The following NTRK2 variants were observed in gnomAD, a reference collection of about 807,000 sequenced individuals.
The protein encoded by NTRK2 is BDNF/NT-3 growth factors receptor.
Under a neutral mutation model 94.5 loss-of-function variants are expected in NTRK2, and 13 were observed. The observed-to-expected ratio is 0.14, with a 90% confidence interval of 0.09 to 0.22. The LOEUF (loss-of-function observed/expected upper bound fraction) is 0.22, where lower values mean the gene tolerates loss of function less well. NTRK2 is among the 10% of genes least tolerant of loss of function. NTRK2 has a pLI of 1.00. For missense variants in NTRK2, 639 were observed against 1,071.2 expected (o/e 0.60, Z 5.63); for synonymous variants, 372 against 407.4 (o/e 0.91, Z 1.05).
chr9:84,939,685 T>C (rs896743887), intron 15 of NTRK2, among the ~76,000 whole-genome samples: 3 of 152,070 alleles, frequency 2.0e-5, no homozygotes, highest in Admixed American at 6.6e-5. Flanking sequence ...AAAAGAACAA[T>C]ATCATGTTCA....
Position 84,841,162 on chromosome 9 carries a change from T to C in NTRK2, c.1397-19878T>C, listed in dbSNP as rs920471039. Among the ~76,000 whole-genome samples the C allele has an allele frequency of 2.0e-5, 3 of 152,292 alleles. No homozygotes were observed. The South Asian group carries it at 6.2e-4, about 32-fold the overall frequency. On this transcript the variant is annotated intron_variant, in intron 12 of 18. Coordinates refer to ENST00000277120, the MANE Select transcript of NTRK2 (RefSeq NM_006180.6). ...CGTCTCCATGCTGGCATTGCCCACC[T>C]CTCGTTTCCAATGGAGACCTGTCTT...
chr9:84,977,530 G>C lies in NTRK2; in HGVS notation c.2172+22013G>C, dbSNP rs1305878962. Among the ~76,000 whole-genome samples the C allele has an allele frequency of 3.9e-5, 6 of 152,336 alleles. No individual in the cohort carries two copies. The South Asian group carries it at 8.3e-4, about 21-fold the overall frequency. On this transcript the variant is annotated intron_variant, in intron 17 of 18. Coordinates refer to ENST00000277120, the MANE Select transcript of NTRK2 (RefSeq NM_006180.6). The stretch of plus-strand genomic sequence containing the variant: ...ACAACTCAAATATTTTTGCTGCTCT[G>C]TGCATGGTTGTGAATGACTGTGGAA...
chr9:84,814,682 C>A (rs1395078057), intron 12 of NTRK2: 2 of 1,065,054 alleles, frequency 1.9e-6, no homozygotes, highest in East Asian at 1.0e-4. Flanking sequence ...TTCCTTCACA[C>A]TACACTAGAA....
chr9:84,925,417 C>A (rs897394159), intron 14 of NTRK2, among the ~76,000 whole-genome samples: 2 of 152,118 alleles, frequency 1.3e-5, no homozygotes, highest in Non-Finnish European at 2.9e-5. Context: ...TCCTCACTTC[C>A]CATTCAGGAC....
chr9:84,920,296 G>GTTAGGTCCTCACTTTCTTTGC (rs1262086374), intron 14 of NTRK2, among the ~76,000 whole-genome samples: 2 of 152,288 alleles, frequency 1.3e-5, no homozygotes, highest in South Asian at 2.1e-4. Context: ...TGAGTTCAAT[G>GTTAGGTCCTCACTTTCTTTGC]TTAGGTCCTC....
intron 2 of NTRK2, among the ~76,000 whole-genome samples, chr9:84,699,126 T>G (rs982703976): frequency 6.7e-6 from 1 of 149,088 alleles, no homozygotes; most frequent in Non-Finnish European, 1.5e-5. Context: ...AAGCTCCACC[T>G]CCCGGGTTCA....
chr9:84,844,654 C>T (rs2074372031), intron 12 of NTRK2, among the ~76,000 whole-genome samples: 1 of 26,254 alleles, frequency 3.8e-5, no homozygotes, highest in Admixed American at 4.3e-4. Context: ...CTCACTCACA[C>T]ACACACACAC....
chr9:84,877,309 A>AC, intron 14 of NTRK2: 1 of 1,066,038 alleles, frequency 9.4e-7, no homozygotes, highest in South Asian at 4.6e-5. Flanking sequence ...TTGTCTCAGT[A>AC]TGAGGAAGAA....
At chr9:84,885,350 C>T (rs939371400) in intron 14 of NTRK2, among the ~76,000 whole-genome samples, 2 of 152,162 alleles carry the variant, frequency 1.3e-5, no homozygotes, top group African/African-American at 4.8e-5. Context: ...GAAACATAGT[C>T]TCCAGCTATT....
intron 14 of NTRK2, chr9:84,872,138 C>T (rs2075888645): frequency 2.4e-6 from 3 of 1,264,070 alleles, no homozygotes; most frequent in Non-Finnish European, 2.0e-6. Context: ...TCAACTAGCT[C>T]GTTTAGACGT....
intron 12 of NTRK2, among the ~76,000 whole-genome samples, chr9:84,830,350 T>C (rs1008263409): frequency 2.0e-5 from 3 of 152,184 alleles, no homozygotes; most frequent in African/African-American, 7.2e-5. Context: ...TTATTGATCC[T>C]TTATGGGCAT....
intron 9 of NTRK2, among the ~76,000 whole-genome samples, chr9:84,736,314 A>G (rs909595335): frequency 1.3e-5 from 2 of 152,232 alleles, no homozygotes; most frequent in Admixed American, 6.5e-5. Flanking sequence ...AATGCGCGTC[A>G]GGAACAAACT....
intron 16 of NTRK2, among the ~76,000 whole-genome samples, chr9:84,951,138 T>C (rs941667233): frequency 4.6e-5 from 7 of 152,232 alleles, no homozygotes; most frequent in Admixed American, 4.6e-4. Flanking sequence ...CCACGTGCAA[T>C]TTAATTCTTC....
intron 12 of NTRK2, among the ~76,000 whole-genome samples, chr9:84,840,927 C>T (rs1297438957): frequency 1.3e-5 from 2 of 152,164 alleles, no homozygotes; most frequent in Non-Finnish European, 2.9e-5. Context: ...CTTCTTGTTT[C>T]CTTCTTCACT....
At chr9:84,726,941 T>C (rs567864911) in intron 8 of NTRK2, among the ~76,000 whole-genome samples, 71 of 152,320 alleles carry the variant, frequency 4.7e-4, no homozygotes, top group Admixed American at 1.0e-3. Flanking sequence ...ATATCTAAAG[T>C]TGAAATAATC....
chr9:84,857,953 C>T (rs954975879), intron 12 of NTRK2, among the ~76,000 whole-genome samples: 1 of 152,160 alleles, frequency 6.6e-6, no homozygotes, highest in East Asian at 1.9e-4. Flanking sequence ...GTGGCTAAAA[C>T]CCATGTTCTT....
intron 2 of NTRK2, among the ~76,000 whole-genome samples, chr9:84,690,394 T>C (rs1384390850): frequency 2.6e-5 from 4 of 152,248 alleles, no homozygotes; most frequent in African/African-American, 9.6e-5. Flanking sequence ...AACTGTGTTC[T>C]GCTGTGATTC....
At chr9:84,684,030 AC>A (rs1468540724) in intron 2 of NTRK2, among the ~76,000 whole-genome samples, 2 of 113,694 alleles carry the variant, frequency 1.8e-5, no homozygotes, top group Non-Finnish European at 1.9e-5. Flanking sequence ...TCCTTTGCCC[AC>A]TTTTTTTATG....
intron 17 of NTRK2, among the ~76,000 whole-genome samples, chr9:84,964,118 T>G (rs1825276201): frequency 6.6e-6 from 1 of 152,234 alleles, no homozygotes; most frequent in Non-Finnish European, 1.5e-5. Flanking sequence ...TTTGCATGCT[T>G]GGTAGTTTTA....
Sources: allele counts gnomAD v4.1 joint callset (sites outside exome capture counted in the v4.1 genomes callset), GRCh38; gene constraint gnomAD v4.1.1; transcripts MANE v1.5; gene names NCBI Gene and HGNC (gene_info 2026-07-23, HGNC 2026-07-21).